The following FRK variants were observed in gnomAD, a reference collection of about 807,000 sequenced individuals.
The protein encoded by FRK is fyn related Src family tyrosine kinase.
In FRK, 51 loss-of-function variants were observed where a neutral mutation model predicts 56.4. The ratio of observed to expected loss-of-function variants is 0.90; its 90% CI spans 0.72 to 1.14. FRK has a LOEUF of 1.14. FRK is among the 50% of genes most tolerant of loss of function. FRK has a pLI of 0.00. For synonymous variants in FRK, 245 were observed against 217.9 expected, an observed-to-expected ratio of 1.12 and a Z score of -1.10; for missense variants, 570 against 601.4, an observed-to-expected ratio of 0.95 and a Z score of 0.55.
In FRK at chr6:115,943,137, C is replaced by T. The variant is rs150259692; in HGVS notation, c.1189G>A (p.Val397Met). ...YESRHEIKLP[V>M]KWTAPEAIRS... ...ATGGCTTCGGGCGCAGTCCACTTCACCGGCAGCTTTATTTCGTGTCTAGAT... is the reference window on the plus strand; with the variant it reads ...ATGGCTTCGGGCGCAGTCCACTTCATCGGCAGCTTTATTTCGTGTCTAGAT... Residue 397 changes from valine to methionine, a missense_variant, in exon 7 of 8, where the codon GTG becomes ATG. By Grantham distance (21) the Val-to-Met change is conservative. Coordinates refer to ENST00000606080, the MANE Select transcript of FRK (RefSeq NM_002031.3). The T allele has an allele frequency of 7.4e-6, 12 of 1,612,816 alleles. No homozygotes were observed. The African/African-American group carries it at 1.6e-4, about 22-fold the overall frequency.
chr6:116,060,499 TA>T lies in FRK; in HGVS notation c.-189del. ...GCAGCAAGTCCTACCTGGAGAGACT[TA>T]CCGGCTTGCTTTCTGTGGCTGGAGG... On this transcript the variant is annotated 5_prime_UTR_variant, in exon 1 of 8. An upstream open reading frame in the 5' UTR loses its in-frame stop. Coordinates refer to ENST00000606080, the MANE Select transcript of FRK (RefSeq NM_002031.3). 1 of 566,566 alleles carries T rather than the reference TA, an allele frequency of 1.8e-6. No individual in the cohort carries two copies. 35.1% of individuals were successfully genotyped at this position (566,566 alleles called of 1,614,324 possible).
the FRK span, among the ~76,000 whole-genome samples, chr6:116,081,465 T>C: frequency 6.6e-6 from 1 of 152,256 alleles, no homozygotes; most frequent in African/African-American, 2.4e-5. Flanking sequence ...CAGACCAGCC[T>C]GGCCAACATG....
At chr6:116,035,727 G>GT (rs1015382934) in intron 1 of FRK, among the ~76,000 whole-genome samples, 2 of 151,960 alleles carry the variant, frequency 1.3e-5, no homozygotes, top group African/African-American at 4.8e-5. Flanking sequence ...ATTCTTAAAC[G>GT]TTTTCCTTAA....
chr6:115,959,208 A>G (rs1452804668), intron 4 of FRK, among the ~76,000 whole-genome samples: 1 of 152,254 alleles, frequency 6.6e-6, no homozygotes, highest in Non-Finnish European at 1.5e-5. Context: ...ATATTGATTA[A>G]TGGCCCCAGT....
Position 115,942,194 on chromosome 6 carries a change from C to T in FRK, c.*220G>A. On this transcript the variant is annotated 3_prime_UTR_variant, in exon 8 of 8. Coordinates refer to ENST00000606080, the MANE Select transcript of FRK (RefSeq NM_002031.3). ...CTTGGTTTAGTGTGCTTAATTTTACCAGGCAGTGAGGAAATTATATATCAC... is the reference window on the plus strand; with the variant it reads ...CTTGGTTTAGTGTGCTTAATTTTACTAGGCAGTGAGGAAATTATATATCAC... 6.9e-6 allele frequency: 3 copies of T among 432,012 alleles called. No individual in the cohort carries two copies. Among genetic ancestry groups the T allele is most frequent in the East Asian group, 4.3e-5 (1 of 23,168 alleles). The allele number at this position is 432,012 out of a possible 1,614,324, so 26.8% of individuals were successfully genotyped here.
the FRK span, among the ~76,000 whole-genome samples, chr6:116,093,165 C>G: frequency 6.6e-6 from 1 of 152,150 alleles, no homozygotes; most frequent in Admixed American, 6.5e-5. Context: ...ATAGCCTAGC[C>G]TCCCTATAGC....
chr6:116,100,322 C>T, the FRK span, among the ~76,000 whole-genome samples: 1 of 152,214 alleles, frequency 6.6e-6, no homozygotes, highest in Non-Finnish European at 1.5e-5. Context: ...TCCACTTAAC[C>T]ACTTAGGAAA....
intron 1 of FRK, among the ~76,000 whole-genome samples, chr6:116,031,785 T>C (rs1189113783): frequency 6.6e-6 from 1 of 152,144 alleles, no homozygotes; most frequent in Non-Finnish European, 1.5e-5. Flanking sequence ...AAATACACCA[T>C]GTCTTGGTTA....
chr6:115,971,095 A>G (rs1773790446), intron 2 of FRK, among the ~76,000 whole-genome samples: 1 of 152,148 alleles, frequency 6.6e-6, no homozygotes, highest in Admixed American at 6.5e-5. Context: ...TATGTGTATC[A>G]CACTTCAATT....
At chr6:116,012,888 C>T (rs908226737) in intron 1 of FRK, among the ~76,000 whole-genome samples, 5 of 152,138 alleles carry the variant, frequency 3.3e-5, no homozygotes, top group Non-Finnish European at 5.9e-5. Flanking sequence ...CCAAAGAGAA[C>T]ACTTTCATGT....
At chr6:116,070,318 TG>T in the FRK span, among the ~76,000 whole-genome samples, 1 of 151,972 alleles carries the variant, frequency 6.6e-6, no homozygotes, top group African/African-American at 2.4e-5. Flanking sequence ...GTGGCAGGGT[TG>T]GGGGGCTGCA....
chr6:115,977,139 C>T (rs1241108003), intron 2 of FRK, among the ~76,000 whole-genome samples: 1 of 152,142 alleles, frequency 6.6e-6, no homozygotes, highest in African/African-American at 2.4e-5. Flanking sequence ...GATAGCTCTA[C>T]ACCAATAAGT....
At chr6:116,044,417 G>GCAAAACAATAT (rs1776857345) in intron 1 of FRK, among the ~76,000 whole-genome samples, 1 of 152,214 alleles carries the variant, frequency 6.6e-6, no homozygotes, top group Non-Finnish European at 1.5e-5. Context: ...TCGGATGCAA[G>GCAAAACAATAT]GCTTACTCAA....
chr6:115,998,030 C>A (rs906512119), intron 2 of FRK, among the ~76,000 whole-genome samples: 1 of 152,182 alleles, frequency 6.6e-6, no homozygotes, highest in Non-Finnish European at 1.5e-5. Context: ...ATCCCCAGTC[C>A]TTGGGCGACT....
At chr6:116,087,756 A>G in the FRK span, among the ~76,000 whole-genome samples, 1 of 152,262 alleles carries the variant, frequency 6.6e-6, no homozygotes, top group Admixed American at 6.5e-5. Flanking sequence ...ATGAGCTTTT[A>G]CAAGAATGGC....
At chr6:115,943,508 A>C (rs940441621) in intron 6 of FRK, among the ~76,000 whole-genome samples, 1 of 150,244 alleles carries the variant, frequency 6.7e-6, no homozygotes, top group Non-Finnish European at 1.5e-5. Context: ...AAAAAAAAAA[A>C]GGAAGCAAAG....
At chr6:116,039,553 C>T in intron 1 of FRK, 1 of 930,718 alleles carries the variant, frequency 1.1e-6, no homozygotes. Flanking sequence ...GCCCAGAAGC[C>T]CAGTAACTGC....
Position 115,944,213 on chromosome 6 carries a change from C to T in FRK, c.1140+31G>A, listed in dbSNP as rs539968879. ...TAACTGTTAGACTTTTGACCTATTA[C>T]AAAAACTAATTAAAACAAAACTAAA... On this transcript the variant is annotated intron_variant, in intron 6 of 7. Transcript: ENST00000606080. The T allele has an allele frequency of 2.5e-6, 4 of 1,574,318 alleles. No individual in the cohort carries two copies. In the African/African-American group the frequency reaches 4.1e-5, roughly 16 times the overall value.
At chr6:116,063,053 T>G (rs2114846510), upstream of FRK, among the ~76,000 whole-genome samples, 1 of 152,234 alleles carries the variant, frequency 6.6e-6, no homozygotes, top group African/African-American at 2.4e-5. Context: ...TTCATAATAG[T>G]TTATAGAGTA....
Sources: gnomAD v4.1 joint callset for allele counts (sites outside exome capture counted in the v4.1 genomes callset) on GRCh38, gnomAD v4.1.1 for gene constraint, MANE v1.5 for transcripts, NCBI Gene and HGNC (gene_info 2026-07-23, HGNC 2026-07-21) for gene names.